AUTS2: variants seen among roughly 807,000 people sequenced by gnomAD.
AUTS2 encodes the protein activator of transcription and developmental regulator AUTS2.
In AUTS2, 17 loss-of-function variants were observed where a neutral mutation model predicts 112.4. That is an observed-to-expected ratio of 0.15 (90% CI 0.10 to 0.23). The LOEUF (loss-of-function observed/expected upper bound fraction) is 0.23, where lower values mean the gene tolerates loss of function less well. Ranked by LOEUF, AUTS2 falls within the 10% of genes least tolerant of loss-of-function variation. AUTS2 has a pLI of 1.00. For missense variants in AUTS2, 1,510 were observed against 1,701.6 expected (o/e 0.89, Z 1.98); for synonymous variants, 751 against 702.7 (o/e 1.07, Z -1.09).
intron 4 of AUTS2, among the ~76,000 whole-genome samples, chr7:70,357,411 C>T (rs1792060032): frequency 6.6e-6 from 1 of 152,130 alleles, no homozygotes; most frequent in Non-Finnish European, 1.5e-5. Context: ...TAATGATGTC[C>T]ATCTTTGTAC....
chr7:70,380,257 T>A (rs1253158206), intron 4 of AUTS2, among the ~76,000 whole-genome samples: 1 of 152,210 alleles, frequency 6.6e-6, no homozygotes, highest in Non-Finnish European at 1.5e-5. Context: ...TCAAACAAAG[T>A]TAGTGCAAAT....
At chr7:69,735,400 G>T (rs913447480) in intron 1 of AUTS2, among the ~76,000 whole-genome samples, 3 of 152,166 alleles carry the variant, frequency 2.0e-5, no homozygotes, top group African/African-American at 7.2e-5. Context: ...ACCGGGGACT[G>T]ATGAATGGAT....
At chr7:70,128,403 CAT>C (rs1806091676) in intron 3 of AUTS2, among the ~76,000 whole-genome samples, 4 of 152,094 alleles carry the variant, frequency 2.6e-5, no homozygotes, top group African/African-American at 9.7e-5. Flanking sequence ...TGTTTTCTGA[CAT>C]AAACAATATG....
At chr7:70,092,128 A>G (rs1354517978) in intron 2 of AUTS2, among the ~76,000 whole-genome samples, 10 of 107,204 alleles carry the variant, frequency 9.3e-5, no homozygotes. Flanking sequence ...ATTATATTTA[A>G]AAAACATAAT....
In AUTS2 at chr7:70,700,231, A is replaced by G. The variant is rs114047253; in HGVS notation, c.742+1611A>G. ...TTACAGAGTGTGATTTGTGGCATCT[A>G]TTTGGTTGTGAATAGCCCTCCCCCT... On this transcript the variant is annotated intron_variant, in intron 6 of 18. Transcript: ENST00000342771. Among the ~76,000 whole-genome samples, 820 of 151,172 alleles carry G rather than the reference A, an allele frequency of 5.4e-3. 8 individuals carry two copies. Among genetic ancestry groups the G allele is most frequent in the African/African-American group, 0.019 (789 of 41,104 alleles).
At chr7:69,733,685 T>C (rs1011546395) in intron 1 of AUTS2, among the ~76,000 whole-genome samples, 1 of 152,214 alleles carries the variant, frequency 6.6e-6, no homozygotes, top group Non-Finnish European at 1.5e-5. Context: ...GTTAAGGATG[T>C]GCCTCGCATG....
At chr7:70,675,543 A>G (rs1459627023) in intron 5 of AUTS2, among the ~76,000 whole-genome samples, 1 of 152,198 alleles carries the variant, frequency 6.6e-6, no homozygotes, top group Non-Finnish European at 1.5e-5. Flanking sequence ...TCCAAAACTT[A>G]CTGGTGTAAA....
intron 4 of AUTS2, among the ~76,000 whole-genome samples, chr7:70,351,000 A>T (rs1585046128): frequency 6.9e-6 from 1 of 145,936 alleles, no homozygotes; most frequent in African/African-American, 2.5e-5. Flanking sequence ...GGCTTATTTC[A>T]CTTATCATCG....
chr7:70,512,123 G>T lies in AUTS2; in HGVS notation c.690+76342G>T, dbSNP rs557133158. On this transcript the variant is annotated intron_variant, in intron 5 of 18. Transcript: ENST00000342771. ...CTTTTCCTGTTTCAGCTGTGAATATGGGTCCCCACGTTGATCTCAGCTAGG... is the reference window on the plus strand; with the variant it reads ...CTTTTCCTGTTTCAGCTGTGAATATTGGTCCCCACGTTGATCTCAGCTAGG... 1.9e-3 allele frequency among the ~76,000 whole-genome samples: 283 copies of T among 152,286 alleles called. 2 individuals are homozygous for T. Among genetic ancestry groups the T allele is most frequent in the Non-Finnish European group, 3.0e-3 (206 of 68,024 alleles).
intron 1 of AUTS2, among the ~76,000 whole-genome samples, chr7:69,853,828 T>G (rs1562929434): frequency 6.6e-6 from 1 of 152,130 alleles, no homozygotes; most frequent in Non-Finnish European, 1.5e-5. Flanking sequence ...CTTCTTTACT[T>G]TTAAAATTAA....
chr7:69,925,102 T>G (rs969224083), intron 2 of AUTS2, among the ~76,000 whole-genome samples: 13 of 152,198 alleles, frequency 8.5e-5, no homozygotes, highest in African/African-American at 2.4e-4. Context: ...TCCTTTTATA[T>G]CTATAGAATC....
At chr7:70,553,545 CTCTG>C (rs1364397991) in intron 5 of AUTS2, among the ~76,000 whole-genome samples, 3 of 152,108 alleles carry the variant, frequency 2.0e-5, no homozygotes, top group African/African-American at 2.4e-5. Flanking sequence ...CAAGTGTTGA[CTCTG>C]TCTTTGTAGG....
At chr7:70,118,260 A>C in intron 3 of AUTS2, 27 bp downstream of exon 3, 1 of 1,555,228 alleles carries the variant, frequency 6.4e-7, no homozygotes, top group Non-Finnish European at 8.6e-7. Context: ...AAAAAAAAAA[A>C]AAAAAAATTA....
intron 11 of AUTS2, among the ~76,000 whole-genome samples, chr7:70,772,093 G>A (rs1790385498): frequency 6.6e-6 from 1 of 152,130 alleles, no homozygotes; most frequent in South Asian, 2.1e-4. Context: ...TGTATCCTAT[G>A]AATTCTCATT....
chr7:70,623,219 T>C lies in AUTS2; in HGVS notation c.691-75350T>C, dbSNP rs538491516. ...CATTCTACAAAATGTACTTGGTCAATACTAAATAGTTTCATTTAGCAGACC... is the reference window on the plus strand; with the variant it reads ...CATTCTACAAAATGTACTTGGTCAACACTAAATAGTTTCATTTAGCAGACC... On this transcript the variant is annotated intron_variant, in intron 5 of 18. Transcript: ENST00000342771. Among the ~76,000 whole-genome samples, 40 of 152,352 alleles carry C rather than the reference T, an allele frequency of 2.6e-4. No homozygotes were observed. The South Asian group carries it at 8.1e-3, about 31-fold the overall frequency.
chr7:70,110,270 C>T (rs973337945), intron 2 of AUTS2, among the ~76,000 whole-genome samples: 5 of 152,218 alleles, frequency 3.3e-5, no homozygotes, highest in African/African-American at 7.2e-5. Flanking sequence ...AATCCCAACA[C>T]TTTGGGAGGC....
chr7:70,306,212 A>T (rs1789486175), intron 4 of AUTS2, among the ~76,000 whole-genome samples: 1 of 152,198 alleles, frequency 6.6e-6, no homozygotes, highest in Non-Finnish European at 1.5e-5. Flanking sequence ...ACCCTAGAGA[A>T]GCTTGTGGGA....
chr7:70,516,461 T>G (rs1799422424), intron 5 of AUTS2, among the ~76,000 whole-genome samples: 1 of 152,172 alleles, frequency 6.6e-6, no homozygotes, highest in Admixed American at 6.5e-5. Flanking sequence ...AGAAAGACAT[T>G]AGACTACCTC....
In AUTS2 at chr7:70,009,279, C is replaced by T. The variant is rs554937959; in HGVS notation, c.523-108853C>T. On this transcript the variant is annotated intron_variant, in intron 2 of 18. Coordinates refer to ENST00000342771, the MANE Select transcript of AUTS2 (RefSeq NM_015570.4). ...TTCACTCATGAAGGCAGTGACCCCACGATCTAATCACCTCCTGTTTGGCCC... is the reference window on the plus strand; with the variant it reads ...TTCACTCATGAAGGCAGTGACCCCATGATCTAATCACCTCCTGTTTGGCCC... Among the ~76,000 whole-genome samples the T allele has an allele frequency of 1.2e-4, 19 of 152,288 alleles. No homozygotes were observed. In the South Asian group the frequency reaches 2.7e-3, roughly 22 times the overall value.
Sources: allele counts gnomAD v4.1 joint callset (sites outside exome capture counted in the v4.1 genomes callset), GRCh38; gene constraint gnomAD v4.1.1; transcripts MANE v1.5; gene names NCBI Gene and HGNC (gene_info 2026-07-23, HGNC 2026-07-21).